RALGAPA2: variants seen among roughly 807,000 people sequenced by gnomAD.
RALGAPA2 encodes Ral GTPase activating protein catalytic subunit alpha 2.
In RALGAPA2, 139 loss-of-function variants were observed where a neutral mutation model predicts 230.4. The ratio of observed to expected loss-of-function variants is 0.60; its 90% confidence interval spans 0.53 to 0.69. The LOEUF is 0.69. Ranked by LOEUF, RALGAPA2 falls within the 30% of genes least tolerant of loss-of-function variation. RALGAPA2 has a pLI of 0.00. For synonymous variants in RALGAPA2, 847 were observed against 837.8 expected, an observed-to-expected ratio of 1.01 and a Z score of -0.19; for missense variants, 2,163 against 2,276.0, an observed-to-expected ratio of 0.95 and a Z score of 1.01.
At chr20:20,660,668 T>C (rs2067745378) in intron 3 of RALGAPA2, among the ~76,000 whole-genome samples, 1 of 152,190 alleles carries the variant, frequency 6.6e-6, no homozygotes, top group African/African-American at 2.4e-5. Context: ...GTTTTGTATT[T>C]AAGAACCTCC....
At chr20:20,524,357 T>C (rs757792019) in intron 30 of RALGAPA2, 49 bp downstream of exon 30, 38 of 1,607,424 alleles carry the variant, frequency 2.4e-5, no homozygotes, top group Non-Finnish European at 3.1e-5. Context: ...GGTGGTTCTC[T>C]GTCATATAAA....
chr20:20,582,541 G>A (rs950324592), intron 20 of RALGAPA2, among the ~76,000 whole-genome samples: 1 of 151,926 alleles, frequency 6.6e-6, no homozygotes, highest in African/African-American at 2.4e-5. Context: ...AAACTATAAA[G>A]AAATCAAGGA....
chr20:20,400,982 C>T (rs1166532744), intron 38 of RALGAPA2, among the ~76,000 whole-genome samples: 1 of 152,056 alleles, frequency 6.6e-6, no homozygotes, highest in Non-Finnish European at 1.5e-5. Context: ...TGGGCAGGTC[C>T]ATAGACACAA....
At chr20:20,659,831 G>A in intron 3 of RALGAPA2, 1 of 755,854 alleles carries the variant, frequency 1.3e-6, no homozygotes, top group East Asian at 4.1e-5. Context: ...CAGAGCAGCA[G>A]CAAGAGGAAA....
At chr20:20,671,441 G>A (rs73296924) in intron 3 of RALGAPA2, among the ~76,000 whole-genome samples, 1,694 of 152,168 alleles carry the variant, frequency 0.011, 30 homozygotes, top group African/African-American at 0.039. Context: ...TTACAAAGTG[G>A]TAAGTATTCA....
intron 35 of RALGAPA2, among the ~76,000 whole-genome samples, chr20:20,499,618 G>A (rs1261746151): frequency 1.3e-5 from 2 of 152,170 alleles, no homozygotes; most frequent in African/African-American, 4.8e-5. Context: ...CCAACACTGA[G>A]GCAGCTCCTC....
intron 37 of RALGAPA2, among the ~76,000 whole-genome samples, chr20:20,455,053 A>G (rs780843143): frequency 6.6e-6 from 1 of 152,220 alleles, no homozygotes. Context: ...CCCTGAATCA[A>G]GTTTCAGAGG....
At position 20,712,309 on chromosome 20, in the gene RALGAPA2, G is replaced by C; in HGVS notation, c.106+66C>G. On this transcript the variant is annotated intron_variant, in intron 1 of 39. Coordinates refer to ENST00000202677, the MANE Select transcript of RALGAPA2 (RefSeq NM_020343.4). The surrounding 1 kb of genome is among the most constrained non-coding windows in gnomAD (Gnocchi z 5.5). ...TCCCAGCCACCGACCCCTGCACAGA[G>C]GAGCGCCCTCCCGGCAGGTGCCCCT... 6.9e-7 allele frequency: 1 copy of C among 1,455,318 alleles called. No individual in the cohort carries two copies. The allele number at this position is 1,455,318 out of a possible 1,614,324, so 90.2% of individuals were successfully genotyped here.
chr20:20,687,468 G>T (rs1327594124), intron 1 of RALGAPA2, among the ~76,000 whole-genome samples: 1 of 151,716 alleles, frequency 6.6e-6, no homozygotes, highest in African/African-American at 2.4e-5. Flanking sequence ...ACTTGCTTTG[G>T]CCAAAAAGGC....
rs1397740480 is a variant in RALGAPA2, at chr20:20,546,733, C to T, written c.3256G>A (p.Ala1086Thr). The T allele has an allele frequency of 6.2e-7, 1 of 1,610,744 alleles. No homozygotes were observed. The stretch of plus-strand genomic sequence containing the variant: ...AAAATGTCTGTGCTAAGGACCCTGG[C>T]AGCGGCCGTGATGAAGTCCCCCACC... Reference protein sequence around the residue: ...MLVGDFITAAARVLSTDILTA... With the variant: ...MLVGDFITAATRVLSTDILTA... Residue 1086 changes from alanine (A) to threonine (T), a missense_variant, in exon 24 of 40, where the codon GCC (alanine) becomes ACC (threonine). By Grantham distance (58) the Ala-to-Thr change is moderately conservative (BLOSUM62 0). Transcript: ENST00000202677.
At chr20:20,601,915 C>A in intron 15 of RALGAPA2, 69 bp from the exon 16 acceptor site, 1 of 1,359,814 alleles carries the variant, frequency 7.4e-7, no homozygotes, top group Admixed American at 2.8e-5. Flanking sequence ...TTGTGTTGCT[C>A]AGCAAATGGT....
intron 10 of RALGAPA2, among the ~76,000 whole-genome samples, chr20:20,624,562 T>C (rs1459089146): frequency 3.9e-5 from 6 of 152,088 alleles, no homozygotes; most frequent in African/African-American, 1.4e-4. Flanking sequence ...CTGCCAATGA[T>C]GCTATATTTA....
rs377523703 is a variant in RALGAPA2 at position 20,583,241 on chromosome 20, G to A, written c.2531-15C>T. ...GGTACTTTCACCTGGTACAATGGAA[G>A]AACCAAAGTTTAAGATAAAAAATAG... is the stretch of plus-strand genomic sequence containing the variant. On this transcript the variant is annotated splice_polypyrimidine_tract_variant and intron_variant, in intron 19 of 39. Coordinates refer to ENST00000202677, the MANE Select transcript of RALGAPA2 (RefSeq NM_020343.4). 30 of 1,575,026 alleles carry A rather than the reference G, an allele frequency of 1.9e-5. 1 individual carries two copies. Among genetic ancestry groups the A allele is most frequent in the Middle Eastern group, 3.4e-4 (2 of 5,876 alleles).
In RALGAPA2 at chr20:20,712,327, G is replaced by A. The variant is rs1488546533; in HGVS notation, c.106+48C>T. The A allele has an allele frequency of 4.6e-6, 7 of 1,535,272 alleles. No individual in the cohort carries two copies. The highest frequency in any genetic ancestry group is 2.5e-5 in the East Asian group (1 of 40,132). On this transcript the variant is annotated intron_variant, in intron 1 of 39. Transcript: ENST00000202677. The surrounding 1 kb of genome is among the most constrained non-coding windows in gnomAD (Gnocchi z 5.5). ...GCACAGAGGAGCGCCCTCCCGGCAG[G>A]TGCCCCTAACCCGGCGCCCCGACCC...
chr20:20,643,443 T>A lies in RALGAPA2; in HGVS notation c.372+63A>T, dbSNP rs139094824. 1.5e-5 allele frequency: 21 copies of A among 1,399,200 alleles called. No homozygotes were observed. The East Asian group carries it at 3.9e-4, about 26-fold the overall frequency. 86.7% of individuals were successfully genotyped at this position (1,399,200 alleles called of 1,614,324 possible). A position where few individuals can be genotyped will look rare whatever the true frequency, so the allele number is the denominator to read the frequency against. ...TTTTTCCAAAATGCCCTAACATTGT[T>A]ACTTTGTGGCATTAACAAATTTAAG... On this transcript the variant is annotated intron_variant, in intron 5 of 39. Transcript: ENST00000202677.
intron 35 of RALGAPA2, among the ~76,000 whole-genome samples, chr20:20,495,982 AG>A (rs540117525): frequency 7.0e-4 from 107 of 152,322 alleles, no homozygotes; most frequent in African/African-American, 2.6e-3. Context: ...ATGGGCGCTC[AG>A]GAAGGTGAAG....
rs1198222428 is a variant in RALGAPA2, at chr20:20,712,418, C to A, written c.63G>T (p.Lys21Asn). ...GCTTCAGGCGGGTCAGCACGTCCTT[C>A]TTCGGGTCCAGCACCTTCTGGGTGG... ...KKSTQKVLDP[K>N]KDVLTRLKHL... Residue 21 changes from lysine to asparagine, a missense_variant, in exon 1 of 40, where the codon AAG becomes AAT. Coordinates refer to ENST00000202677, the MANE Select transcript of RALGAPA2 (RefSeq NM_020343.4). This position sits in a 1 kb window ranked among gnomAD's most constrained non-coding sequence, Gnocchi z 5.5. 1.3e-6 allele frequency: 2 copies of A among 1,554,466 alleles called. No homozygotes were observed. Among genetic ancestry groups the A allele is most frequent in the African/African-American group, 1.4e-5 (1 of 73,054 alleles).
At chr20:20,642,574 TACC>T (rs2067079840) in intron 5 of RALGAPA2, among the ~76,000 whole-genome samples, 1 of 152,230 alleles carries the variant, frequency 6.6e-6, no homozygotes, top group Non-Finnish European at 1.5e-5. Flanking sequence ...TATGAAATTC[TACC>T]ACAAGTCTCC....
At chr20:20,700,066 T>A (rs959103430) in intron 1 of RALGAPA2, among the ~76,000 whole-genome samples, 8 of 152,084 alleles carry the variant, frequency 5.3e-5, no homozygotes, top group Non-Finnish European at 1.5e-5. Context: ...TAACTGCCCA[T>A]TAGTGGTGGA....
Sources: gnomAD v4.1 joint callset for allele counts (sites outside exome capture counted in the v4.1 genomes callset) on GRCh38, gnomAD v4.1.1 for gene constraint, Gnocchi (gnomAD v3.1) non-coding constraint, MANE v1.5 for transcripts, NCBI Gene and HGNC (gene_info 2026-07-23, HGNC 2026-07-21) for gene names.